Variants in ZBTB20 observed in about 807,000 individuals in gnomAD.
ZBTB20 encodes the protein zinc finger and BTB domain containing 20, also known as zinc finger and BTB domain-containing protein 20.
ZBTB20 carries 9 observed loss-of-function variants against 56.9 expected under a neutral mutation model. The observed-to-expected ratio is 0.16, with a 90% CI of 0.10 to 0.28. ZBTB20 has a LOEUF of 0.28. ZBTB20 is among the 10% of genes least tolerant of loss of function. The pLI is 1.00. For synonymous variants in ZBTB20, 417 were observed against 420.7 expected (o/e 0.99, Z 0.11); for missense variants, 655 against 1,003.0 (o/e 0.65, Z 4.69).
At chr3:114,773,655 C>G (rs2069376148) in intron 5 of ZBTB20, among the ~76,000 whole-genome samples, 1 of 152,038 alleles carries the variant, frequency 6.6e-6, no homozygotes, top group African/African-American at 2.4e-5. Context: ...CCAACTAAAT[C>G]CACTCTCTTC....
chr3:115,080,385 C>G (rs756480851), intron 1 of ZBTB20, among the ~76,000 whole-genome samples: 8 of 152,254 alleles, frequency 5.3e-5, no homozygotes, highest in Non-Finnish European at 1.0e-4. Flanking sequence ...CTCAAATCCA[C>G]CTTGGGCTAC....
At chr3:114,340,044 A>T (rs999101861) in intron 11 of ZBTB20, among the ~76,000 whole-genome samples, 2 of 152,100 alleles carry the variant, frequency 1.3e-5, no homozygotes, top group Admixed American at 6.5e-5. Flanking sequence ...TTTAGACAGA[A>T]ATCTTTCTAA....
chr3:114,340,603 ATTAC>A (rs2079685474), intron 11 of ZBTB20, among the ~76,000 whole-genome samples: 1 of 152,154 alleles, frequency 6.6e-6, no homozygotes, highest in Non-Finnish European at 1.5e-5. Context: ...CTTTAAGATG[ATTAC>A]TTAAAGACTT....
At chr3:115,017,753 GT>G (rs1220459882) in intron 2 of ZBTB20, among the ~76,000 whole-genome samples, 1 of 151,450 alleles carries the variant, frequency 6.6e-6, no homozygotes, top group African/African-American at 2.4e-5. Context: ...TAAATGCTGT[GT>G]TTCAGACATT....
At chr3:114,885,392 C>T (rs1208671751) in intron 4 of ZBTB20, among the ~76,000 whole-genome samples, 1 of 151,976 alleles carries the variant, frequency 6.6e-6, no homozygotes, top group Non-Finnish European at 1.5e-5. Context: ...GATTACCAGC[C>T]ATTCTTCATC....
chr3:114,784,862 T>C (rs1176168159), intron 5 of ZBTB20, among the ~76,000 whole-genome samples: 1 of 152,198 alleles, frequency 6.6e-6, no homozygotes, highest in Non-Finnish European at 1.5e-5. Flanking sequence ...ACATTGACAC[T>C]AATTATAACA....
intron 4 of ZBTB20, among the ~76,000 whole-genome samples, chr3:114,828,898 C>T (rs1250461827): frequency 1.3e-5 from 2 of 151,752 alleles, no homozygotes; most frequent in East Asian, 3.9e-4. Flanking sequence ...AAATTTGGGT[C>T]CTGAATAGTA....
intron 7 of ZBTB20, among the ~76,000 whole-genome samples, chr3:114,433,288 G>A (rs1303169630): frequency 6.6e-6 from 1 of 152,176 alleles, no homozygotes; most frequent in East Asian, 1.9e-4. Flanking sequence ...AAGGTCTGAA[G>A]ATAAAGAAGT....
At position 114,381,774 on chromosome 3, in the gene ZBTB20, C is replaced by T. The variant is rs557248589; in HGVS notation, c.-153-834G>A. On this transcript the variant is annotated intron_variant, in intron 8 of 11. Transcript: ENST00000675478. ...TTAGTATGCTGTGTTTTCAGTCCAACAGGTTGTGAAATAAAATCTGTTTCT... is the reference window on the plus strand; with the variant it reads ...TTAGTATGCTGTGTTTTCAGTCCAATAGGTTGTGAAATAAAATCTGTTTCT... Among the ~76,000 whole-genome samples the T allele has an allele frequency of 5.3e-5, 8 of 152,288 alleles. No individual in the cohort carries two copies. The South Asian group carries it at 1.7e-3, about 32-fold the overall frequency.
chr3:114,454,395 C>A (rs2091873404), intron 7 of ZBTB20, among the ~76,000 whole-genome samples: 1 of 151,704 alleles, frequency 6.6e-6, no homozygotes, highest in Non-Finnish European at 1.5e-5. Flanking sequence ...TTTCCCACCC[C>A]CCGTTGTACT....
chr3:114,663,284 A>C (rs1456146737), intron 6 of ZBTB20, among the ~76,000 whole-genome samples: 1 of 151,352 alleles, frequency 6.6e-6, no homozygotes, highest in Non-Finnish European at 1.5e-5. Flanking sequence ...TATCCAGCCA[A>C]ACTATGCTTC....
At chr3:114,831,087 CTTTTTTTTTTTTTTTT>C (rs57265260) in intron 4 of ZBTB20, among the ~76,000 whole-genome samples, 1 of 55,550 alleles carries the variant, frequency 1.8e-5, no homozygotes, top group Non-Finnish European at 3.7e-5. Flanking sequence ...TTTCTTTCTT[CTTTTTTTTTTTTTTTT>C]TTTTTTTTTT....
At chr3:114,922,489 G>A (rs577333294) in intron 3 of ZBTB20, among the ~76,000 whole-genome samples, 2 of 152,224 alleles carry the variant, frequency 1.3e-5, no homozygotes, top group African/African-American at 4.8e-5. Flanking sequence ...AGGATACAAT[G>A]TAACATACAA....
At chr3:114,513,788 T>G (rs1207237243) in intron 6 of ZBTB20, among the ~76,000 whole-genome samples, 1 of 152,104 alleles carries the variant, frequency 6.6e-6, no homozygotes, top group East Asian at 1.9e-4. Flanking sequence ...CCTTATTCCA[T>G]AGTGTGCCTT....
intron 3 of ZBTB20, among the ~76,000 whole-genome samples, chr3:114,971,700 T>C (rs947758130): frequency 7.9e-5 from 12 of 152,306 alleles, no homozygotes; most frequent in Admixed American, 7.8e-4. Flanking sequence ...GGCACATAAA[T>C]GCAGGTACAG....
intron 5 of ZBTB20, among the ~76,000 whole-genome samples, chr3:114,763,019 T>C (rs777397187): frequency 3.3e-5 from 5 of 152,202 alleles, no homozygotes; most frequent in African/African-American, 4.8e-5. Flanking sequence ...CCTAAACTTA[T>C]ATATTTTCAC....
intron 1 of ZBTB20, among the ~76,000 whole-genome samples, chr3:115,120,100 G>A (rs2084140611): frequency 6.6e-6 from 1 of 152,042 alleles, no homozygotes; most frequent in Non-Finnish European, 1.5e-5. Context: ...TTATAATGGT[G>A]GGTACATAAT....
intron 4 of ZBTB20, among the ~76,000 whole-genome samples, chr3:114,832,049 G>A (rs1403479721): frequency 6.6e-6 from 1 of 152,052 alleles, no homozygotes; most frequent in Non-Finnish European, 1.5e-5. Flanking sequence ...ATAAGCCTCT[G>A]AGAGTCTATA....
At chr3:114,564,673 G>T (rs1478690648) in intron 6 of ZBTB20, among the ~76,000 whole-genome samples, 1 of 152,108 alleles carries the variant, frequency 6.6e-6, no homozygotes, top group African/African-American at 2.4e-5. Context: ...GCTATCCTTA[G>T]CCAAAGAATT....
Sources: gnomAD v4.1 joint callset for allele counts (sites outside exome capture counted in the v4.1 genomes callset) on GRCh38, gnomAD v4.1.1 for gene constraint, MANE v1.5 for transcripts, NCBI Gene and HGNC (gene_info 2026-07-23, HGNC 2026-07-21) for gene names.